The following NBAS variants were observed in gnomAD, a reference collection of about 807,000 sequenced individuals.
NBAS encodes NAG/BC035112 fusion.
NBAS carries 219 observed loss-of-function variants against 302.5 expected under a neutral mutation model. The observed-to-expected ratio is 0.72, with a 90% CI of 0.65 to 0.81. The LOEUF (loss-of-function observed/expected upper bound fraction) is 0.81, where lower values mean the gene tolerates loss of function less well. Ranked by LOEUF, NBAS falls within the 30% of genes least tolerant of loss-of-function variation. NBAS has a pLI of 0.00. For missense variants in NBAS, 2,932 were observed against 2,841.6 expected, an observed-to-expected ratio of 1.03 and a Z score of -0.72; for synonymous variants, 1,118 against 1,021.6, an observed-to-expected ratio of 1.09 and a Z score of -1.80.
At chr2:15,167,677 G>A (rs944716582) in intron 51 of NBAS, among the ~76,000 whole-genome samples, 2 of 152,224 alleles carry the variant, frequency 1.3e-5, no homozygotes, top group African/African-American at 4.8e-5. Flanking sequence ...AAACTGAGGT[G>A]TAGCAACTTT....
chr2:15,346,476 G>A (rs1436014525), intron 35 of NBAS, among the ~76,000 whole-genome samples: 2 of 152,254 alleles, frequency 1.3e-5, no homozygotes, highest in Admixed American at 1.3e-4. Context: ...AGTTAGAATA[G>A]CGATTATTTT....
chr2:15,171,448 A>T (rs2125102733), intron 51 of NBAS, among the ~76,000 whole-genome samples: 1 of 152,342 alleles, frequency 6.6e-6, no homozygotes, highest in Non-Finnish European at 1.5e-5. Flanking sequence ...TGTTTTTTAC[A>T]TAGTTTTCAG....
intron 47 of NBAS, among the ~76,000 whole-genome samples, chr2:15,230,124 C>T (rs567326365): frequency 2.6e-5 from 4 of 152,126 alleles, no homozygotes; most frequent in South Asian, 2.1e-4. Flanking sequence ...AGGCCTGGCA[C>T]GGGCTCCTAG....
At chr2:15,105,960 A>G in the NBAS span, among the ~76,000 whole-genome samples, 1 of 152,148 alleles carries the variant, frequency 6.6e-6, no homozygotes, top group Non-Finnish European at 1.5e-5. Flanking sequence ...ATCTGTCCAA[A>G]TTGAATTTAC....
intron 40 of NBAS, among the ~76,000 whole-genome samples, chr2:15,305,022 C>A (rs1670965410): frequency 6.6e-6 from 1 of 152,108 alleles, no homozygotes; most frequent in Admixed American, 6.5e-5. Flanking sequence ...TGGGTTAGTG[C>A]TAGAACAAAT....
At chr2:15,398,103 G>C (rs1572782736) in intron 26 of NBAS, among the ~76,000 whole-genome samples, 2 of 150,784 alleles carry the variant, frequency 1.3e-5, no homozygotes, top group South Asian at 4.3e-4. Context: ...GTGTGTGTGT[G>C]TGTGTTTGTG....
At chr2:15,292,068 G>A (rs535732433) in intron 41 of NBAS, among the ~76,000 whole-genome samples, 27 of 152,286 alleles carry the variant, frequency 1.8e-4, no homozygotes, top group South Asian at 1.2e-3. Flanking sequence ...TCCACCTTCC[G>A]GGTTCAAAGG....
the NBAS span, among the ~76,000 whole-genome samples, chr2:15,043,908 T>G: frequency 1.3e-5 from 2 of 152,176 alleles, no homozygotes; most frequent in African/African-American, 4.8e-5. Flanking sequence ...CTCTGTCTGT[T>G]GCCTGAAAAC....
At chr2:15,355,575 G>A (rs540048495) in intron 33 of NBAS, among the ~76,000 whole-genome samples, 2 of 152,284 alleles carry the variant, frequency 1.3e-5, no homozygotes, top group East Asian at 3.9e-4. Context: ...CAGTGCTGGA[G>A]GTGGGGCCTT....
the NBAS span, among the ~76,000 whole-genome samples, chr2:14,989,951 C>T: frequency 1.3e-5 from 2 of 152,062 alleles, no homozygotes; most frequent in African/African-American, 4.8e-5. Flanking sequence ...CATTACAATT[C>T]TTTTTTTAAA....
chr2:15,426,182 C>T (rs891002160), intron 22 of NBAS, among the ~76,000 whole-genome samples: 1 of 152,214 alleles, frequency 6.6e-6, no homozygotes, highest in African/African-American at 2.4e-5. Flanking sequence ...ATATTATCCT[C>T]CAAAAGTTTC....
At chr2:15,339,589 T>C (rs1481253422) in intron 35 of NBAS, among the ~76,000 whole-genome samples, 1 of 152,166 alleles carries the variant, frequency 6.6e-6, no homozygotes, top group Non-Finnish European at 1.5e-5. Flanking sequence ...TAGTCTCTGC[T>C]ACAAAGAACT....
chr2:15,062,104 G>A, the NBAS span, among the ~76,000 whole-genome samples: 5 of 152,124 alleles, frequency 3.3e-5, no homozygotes, highest in Admixed American at 2.6e-4. Context: ...GCAACATTGG[G>A]GTCATCCCAC....
chr2:15,028,716 CTCCAGA>C, the NBAS span, among the ~76,000 whole-genome samples: 1 of 152,164 alleles, frequency 6.6e-6, no homozygotes, highest in Non-Finnish European at 1.5e-5. Context: ...AACACCCTTC[CTCCAGA>C]TGTTGACATT....
the NBAS span, chr2:14,907,788 G>A: frequency 6.6e-6 from 1 of 152,266 alleles, no homozygotes; most frequent in Non-Finnish European, 1.5e-5. Context: ...CTGGCGAATG[G>A]AGTTGGATCG....
the NBAS span, among the ~76,000 whole-genome samples, chr2:14,989,030 A>G: frequency 6.6e-6 from 1 of 152,304 alleles, no homozygotes; most frequent in East Asian, 1.9e-4. Flanking sequence ...TCCAGCAATA[A>G]AAGAATAAAG....
chr2:15,310,991 C>A (rs1029169083), intron 38 of NBAS, among the ~76,000 whole-genome samples: 2 of 152,146 alleles, frequency 1.3e-5, no homozygotes, highest in Non-Finnish European at 2.9e-5. Flanking sequence ...GGAAGGAAAC[C>A]ATTGTCAGAA....
At chr2:14,996,689 C>T in the NBAS span, among the ~76,000 whole-genome samples, 1 of 152,196 alleles carries the variant, frequency 6.6e-6, no homozygotes, top group African/African-American at 2.4e-5. Context: ...AAGAAGCAGT[C>T]TGCTGGGGAT....
chr2:14,900,725 G>C, the NBAS span, among the ~76,000 whole-genome samples: 9 of 152,168 alleles, frequency 5.9e-5, no homozygotes, highest in South Asian at 2.1e-4. Flanking sequence ...GAGAAGGAGA[G>C]AAAGAAATTT....
Sources: allele counts gnomAD v4.1 joint callset (sites outside exome capture counted in the v4.1 genomes callset), GRCh38; gene constraint gnomAD v4.1.1; transcripts MANE v1.5; gene names NCBI Gene and HGNC (gene_info 2026-07-23, HGNC 2026-07-21).